Variants in CACHD1 observed in about 807,000 individuals in gnomAD.
CACHD1 encodes the protein cache domain containing 1.
In CACHD1, 71 loss-of-function variants were observed where a neutral mutation model predicts 138.7. The ratio of observed to expected loss-of-function variants is 0.51; its 90% CI spans 0.42 to 0.62. The LOEUF (loss-of-function observed/expected upper bound fraction) is 0.62, where lower values mean the gene tolerates loss of function less well. CACHD1 is among the 20% of genes least tolerant of loss of function. The pLI is 0.00. For synonymous variants in CACHD1, 578 were observed against 591.5 expected (o/e 0.98, Z 0.33); for missense variants, 1,389 against 1,625.3 (o/e 0.85, Z 2.50).
At chr1:64,646,788 T>C (rs1648918972) in intron 8 of CACHD1, among the ~76,000 whole-genome samples, 1 of 152,210 alleles carries the variant, frequency 6.6e-6, no homozygotes, top group Non-Finnish European at 1.5e-5. Flanking sequence ...GCCATGATTT[T>C]AGAAGTGGAC....
rs372218342 is a variant in CACHD1 at position 64,547,412 on chromosome 1, C to A, written c.199-3182C>A. Among the ~76,000 whole-genome samples, 342 of 152,242 alleles carry A rather than the reference C, an allele frequency of 2.2e-3. 3 individuals are homozygous for A. Among genetic ancestry groups the A allele is most frequent in the African/African-American group, 7.9e-3 (330 of 41,526 alleles). Reference sequence around the variant, plus strand: ...CAGAGTTTCGCTCTTGTTGCCCAAGCTGGAGTGCAATGGTGCTTTCTTGAC... The same window carrying A: ...CAGAGTTTCGCTCTTGTTGCCCAAGATGGAGTGCAATGGTGCTTTCTTGAC... On this transcript the variant is annotated intron_variant, in intron 1 of 26. Coordinates refer to ENST00000651257, the MANE Select transcript of CACHD1 (RefSeq NM_020925.4).
intron 7 of CACHD1, among the ~76,000 whole-genome samples, chr1:64,634,809 A>G (rs1025615144): frequency 3.3e-5 from 5 of 152,012 alleles, no homozygotes; most frequent in Non-Finnish European, 5.9e-5. Flanking sequence ...CCTGGCCAAT[A>G]TGGTGAAACC....
intron 7 of CACHD1, among the ~76,000 whole-genome samples, chr1:64,638,093 C>G (rs1191333725): frequency 6.6e-6 from 1 of 152,158 alleles, no homozygotes; most frequent in Non-Finnish European, 1.5e-5. Context: ...CTAGCTCCAG[C>G]TAAACTAGAT....
At chr1:64,549,384 A>G (rs1420072513) in intron 1 of CACHD1, among the ~76,000 whole-genome samples, 1 of 152,200 alleles carries the variant, frequency 6.6e-6, no homozygotes, top group Non-Finnish European at 1.5e-5. Context: ...CATCTGTTGA[A>G]TGAATGAGTG....
intron 1 of CACHD1, among the ~76,000 whole-genome samples, chr1:64,500,891 T>C (rs1646335992): frequency 6.6e-6 from 1 of 151,736 alleles, no homozygotes; most frequent in African/African-American, 2.4e-5. Context: ...CTACTAAAAA[T>C]ACAAAAAATT....
At chr1:64,551,941 CA>C (rs1311743466) in intron 2 of CACHD1, among the ~76,000 whole-genome samples, 19 of 152,084 alleles carry the variant, frequency 1.2e-4, no homozygotes. Flanking sequence ...TTTATTTCAG[CA>C]AACTAGAAAG....
At position 64,691,410 on chromosome 1, in the gene CACHD1, A is replaced by G. The variant is rs774312601; in HGVS notation, c.3674A>G (p.His1225Arg). The G allele has an allele frequency of 6.2e-7, 1 of 1,614,146 alleles. No homozygotes were observed. The highest frequency in any genetic ancestry group is 8.5e-7 in the Non-Finnish European group (1 of 1,180,024). Residue 1225 changes from histidine to arginine, a missense_variant, in exon 27 of 27, where the codon CAT becomes CGT. Around this residue, in one of 5 missense-constraint regions of CACHD1, gnomAD observed 78 missense variants for 76.9 expected, o/e 1.01. Transcript: ENST00000651257. ...PLSAGVDVGN[H>R]DEDLDLDTPP... Reference sequence around the variant, plus strand: ...TCAGCCGGGGTCGATGTGGGAAACCATGATGAGGACTTAGACCTGGATACC... The same window carrying G: ...TCAGCCGGGGTCGATGTGGGAAACCGTGATGAGGACTTAGACCTGGATACC...
At chr1:64,601,352 A>G (rs1300754392) in intron 3 of CACHD1, among the ~76,000 whole-genome samples, 1 of 152,224 alleles carries the variant, frequency 6.6e-6, no homozygotes, top group East Asian at 1.9e-4. Context: ...CAGCTGCTGT[A>G]TTAATCTCTT....
intron 3 of CACHD1, among the ~76,000 whole-genome samples, chr1:64,594,895 A>G (rs373186479): frequency 1.3e-5 from 2 of 152,342 alleles, no homozygotes; most frequent in Non-Finnish European, 1.5e-5. Flanking sequence ...AAATCTATCT[A>G]TAATCTCTTT....
intron 1 of CACHD1, among the ~76,000 whole-genome samples, chr1:64,480,367 G>A (rs1212868318): frequency 6.6e-6 from 1 of 152,064 alleles, no homozygotes; most frequent in East Asian, 1.9e-4. Context: ...TATACTGTGG[G>A]GGCCCCTTTT....
At chr1:64,648,056 T>C (rs1648971490) in intron 9 of CACHD1, 22 bp downstream of exon 9, 2 of 1,571,298 alleles carry the variant, frequency 1.3e-6, no homozygotes, top group Middle Eastern at 1.7e-4. Flanking sequence ...TAAACGTCAT[T>C]TTAAAGGAAG....
intron 1 of CACHD1, among the ~76,000 whole-genome samples, chr1:64,531,670 G>A (rs917617393): frequency 6.6e-5 from 10 of 152,176 alleles, no homozygotes; most frequent in African/African-American, 2.4e-4. Context: ...GATGTGTTTA[G>A]ACTGATTCTC....
rs1353143797 is a variant in CACHD1 at position 64,675,483 on chromosome 1, G to T, written c.2810G>T (p.Gly937Val). 1 of 1,613,510 alleles carries T rather than the reference G, an allele frequency of 6.2e-7. No individual in the cohort carries two copies. Among genetic ancestry groups the T allele is most frequent in the African/African-American group, 1.3e-5 (1 of 74,912 alleles). ...ARIPGTNAFV[G>V]IVNETCDSLA... ...ATCCCAGGAACCAACGCGTTTGTTG[G>T]CATTGTCAACGAAACCTGCGACTCT... is the stretch of plus-strand genomic sequence containing the variant. The change falls in exon 20 of 27, where the codon GGC (glycine) becomes GTC (valine). Residue 937 changes from glycine (G) to valine (V), a missense_variant. Gly to Val is a moderately radical substitution (Grantham distance 109). This residue lies in a region of CACHD1 where 50 missense variants were observed against 108.2 expected (regional missense o/e 0.46). Coordinates refer to ENST00000651257, the MANE Select transcript of CACHD1 (RefSeq NM_020925.4).
intron 1 of CACHD1, among the ~76,000 whole-genome samples, chr1:64,511,698 A>G (rs1646421890): frequency 6.6e-6 from 1 of 152,322 alleles, no homozygotes; most frequent in African/African-American, 2.4e-5. Flanking sequence ...ATTATTCCCT[A>G]TGAACCCCAG....
chr1:64,561,067 G>A (rs1458775089), intron 2 of CACHD1, among the ~76,000 whole-genome samples: 1 of 151,806 alleles, frequency 6.6e-6, no homozygotes, highest in African/African-American at 2.4e-5. Context: ...GCATATAGAT[G>A]AGACTTGTTT....
intron 4 of CACHD1, among the ~76,000 whole-genome samples, chr1:64,625,465 A>T (rs960697234): frequency 1.8e-4 from 27 of 152,184 alleles, no homozygotes; most frequent in African/African-American, 6.5e-4. Context: ...CATCTCTACT[A>T]AAAATACAAA....
intron 1 of CACHD1, among the ~76,000 whole-genome samples, chr1:64,512,220 C>G (rs957394289): frequency 1.3e-4 from 20 of 151,838 alleles, no homozygotes; most frequent in Non-Finnish European, 7.4e-5. Context: ...ATGGTGAAAC[C>G]CTGTCTCTAC....
chr1:64,548,034 C>A (rs1039629217), intron 1 of CACHD1, among the ~76,000 whole-genome samples: 9 of 152,190 alleles, frequency 5.9e-5, no homozygotes, highest in African/African-American at 2.2e-4. Flanking sequence ...ATAAAAAGAT[C>A]TACTAAGATA....
intron 1 of CACHD1, among the ~76,000 whole-genome samples, chr1:64,535,084 T>C (rs12035924): frequency 0.65 from 99,194 of 152,116 alleles, 38,017 homozygotes; most frequent in Non-Finnish European, 0.83. Context: ...CTCTTTCTCC[T>C]GTCCTCTCAG....
Sources: gnomAD v4.1 joint callset for allele counts (sites outside exome capture counted in the v4.1 genomes callset) on GRCh38, gnomAD v4.1.1 for gene constraint, gnomAD v4.1.1 regional missense constraint, MANE v1.5 for transcripts, NCBI Gene and HGNC (gene_info 2026-07-23, HGNC 2026-07-21) for gene names.